Variants in WFDC3 observed in about 807,000 individuals in gnomAD.
The protein encoded by WFDC3 is WAP four-disulfide core domain protein 3.
WFDC3 carries 15 observed loss-of-function variants against 25.8 expected under a neutral mutation model. That is an observed-to-expected ratio of 0.58 (90% CI 0.39 to 0.89). The LOEUF is 0.89. Among genes scored for constraint, WFDC3 ranks in the 40% least tolerant of loss-of-function variants. WFDC3 has a pLI of 0.00. For synonymous variants in WFDC3, 103 were observed against 107.1 expected, an observed-to-expected ratio of 0.96 and a Z score of 0.24; for missense variants, 264 against 289.8, an observed-to-expected ratio of 0.91 and a Z score of 0.65.
chr20:45,785,440 G>T (rs1980624866), intron 4 of WFDC3, among the ~76,000 whole-genome samples: 1 of 143,166 alleles, frequency 7.0e-6, no homozygotes, highest in Non-Finnish European at 1.5e-5. Context: ...CTGTACTCCT[G>T]CCTGGGCGAC....
intron 4 of WFDC3, among the ~76,000 whole-genome samples, chr20:45,785,925 G>A (rs1039367056): frequency 5.9e-5 from 9 of 152,026 alleles, no homozygotes; most frequent in East Asian, 5.8e-4. Context: ...TACTCTAACC[G>A]TACTAGCTTT....
chr20:45,784,898 C>T (rs1980602508), intron 4 of WFDC3, among the ~76,000 whole-genome samples: 1 of 152,194 alleles, frequency 6.6e-6, no homozygotes, highest in Non-Finnish European at 1.5e-5. Flanking sequence ...AACTAAGGCT[C>T]AAAATTACTT....
chr20:45,777,287 T>C (rs1371807826), intron 4 of WFDC3, 78 bp from the exon 5 acceptor site: 13 of 1,229,172 alleles, frequency 1.1e-5, no homozygotes, highest in Non-Finnish European at 1.4e-5. Context: ...TGTGTATGTT[T>C]ATATATAGTT....
At chr20:45,789,165 C>A in intron 2 of WFDC3, 106 bp from the exon 3 acceptor site, 1 of 1,457,716 alleles carries the variant, frequency 6.9e-7, no homozygotes, top group South Asian at 1.3e-5. Context: ...TTCTGCACCA[C>A]TGCACTCTAG....
intron 1 of WFDC3, among the ~76,000 whole-genome samples, chr20:45,790,269 A>G (rs1980894885): frequency 6.6e-6 from 1 of 152,208 alleles, no homozygotes; most frequent in Non-Finnish European, 1.5e-5. Context: ...GGGTGGCTGG[A>G]AAAATGGAGG....
intron 4 of WFDC3, 145 bp from the exon 5 acceptor site, chr20:45,777,354 C>A: frequency 2.0e-6 from 2 of 997,978 alleles, no homozygotes; most frequent in Non-Finnish European, 2.5e-6. Context: ...ATCTGCAATA[C>A]ATCTGATTTT....
chr20:45,788,963 C>T lies in WFDC3; in HGVS notation c.179G>A (p.Gly60Asp). 1.2e-6 allele frequency: 2 copies of T among 1,613,448 alleles called. No individual in the cohort carries two copies. The highest frequency in any genetic ancestry group is 1.7e-6 in the Non-Finnish European group (2 of 1,179,814). The stretch of plus-strand genomic sequence containing the variant: ...AATGTCTCGGCAGATCCGACCACAG[C>T]CTGTGGTGCAGCACTTCTGTTCAGC... ...CPAEQKCCTTGCGRICRDIPK... is the reference protein window; with the variant it reads ...CPAEQKCCTTDCGRICRDIPK... The change falls in exon 3 of 7, where the codon GGC (glycine) becomes GAC (aspartate). Residue 60 changes from glycine (G) to aspartate (D), a missense_variant. Gly to Asp is a moderately conservative substitution (Grantham distance 94). Transcript: ENST00000243938.
At position 45,775,409 on chromosome 20, in the gene WFDC3, G is replaced by A; in HGVS notation, c.679+8C>T. ...CTGTTATTGTTGATGACAATGGACT[G>A]TACTCACCTAATTCGGAATCAGACC... On this transcript the variant is annotated splice_region_variant and intron_variant, in intron 6 of 6. Coordinates refer to ENST00000243938, the MANE Select transcript of WFDC3 (RefSeq NM_080614.2). The A allele has an allele frequency of 6.2e-7, 1 of 1,613,660 alleles. No individual in the cohort carries two copies. The highest frequency in any genetic ancestry group is 8.5e-7 in the Non-Finnish European group (1 of 1,179,692).
At chr20:45,787,278 T>C (rs1980716720) in intron 4 of WFDC3, among the ~76,000 whole-genome samples, 2 of 142,790 alleles carry the variant, frequency 1.4e-5, no homozygotes, top group South Asian at 4.4e-4. Context: ...TGGTTTTCTT[T>C]TTTCTTTTTT....
chr20:45,781,693 G>T (rs772217315), intron 4 of WFDC3, among the ~76,000 whole-genome samples: 2 of 152,176 alleles, frequency 1.3e-5, no homozygotes, highest in South Asian at 4.1e-4. Context: ...GTTCTCTACT[G>T]GGGGCTGGTC....
chr20:45,785,755 A>G, intron 4 of WFDC3, among the ~76,000 whole-genome samples: 1 of 152,162 alleles, frequency 6.6e-6, no homozygotes, highest in East Asian at 1.9e-4. Context: ...AATATGTTTT[A>G]GGGGCCTCTC....
At chr20:45,788,304 CAA>C (rs562454653) in intron 3 of WFDC3, 5 of 154,188 alleles carry the variant, frequency 3.2e-5, no homozygotes, top group East Asian at 3.6e-4. Context: ...AACTCCGTCT[CAA>C]AAAAAAAAGA....
chr20:45,787,200 AG>A (rs1392101677), intron 4 of WFDC3, among the ~76,000 whole-genome samples: 1 of 146,066 alleles, frequency 6.8e-6, no homozygotes, highest in South Asian at 2.2e-4. Context: ...CTGTCTCTGC[AG>A]ATTCTCAGGA....
intron 4 of WFDC3, among the ~76,000 whole-genome samples, chr20:45,786,505 C>T (rs1382468524): frequency 6.6e-6 from 1 of 152,188 alleles, no homozygotes; most frequent in African/African-American, 2.4e-5. Context: ...TATTTACATG[C>T]TTATTTGTTA....
At chr20:45,783,736 C>A (rs1357864835) in intron 4 of WFDC3, among the ~76,000 whole-genome samples, 1 of 152,006 alleles carries the variant, frequency 6.6e-6, no homozygotes, top group Non-Finnish European at 1.5e-5. Flanking sequence ...CCAAACAGAC[C>A]AGCGCTGGCT....
At chr20:45,778,320 G>A (rs937611660) in intron 4 of WFDC3, among the ~76,000 whole-genome samples, 1 of 152,100 alleles carries the variant, frequency 6.6e-6, no homozygotes, top group Non-Finnish European at 1.5e-5. Context: ...ACATCATGTG[G>A]GTATATGAAC....
intron 5 of WFDC3, 27 bp downstream of exon 5, chr20:45,777,048 G>A (rs1292410162): frequency 5.6e-6 from 9 of 1,611,430 alleles, no homozygotes; most frequent in South Asian, 1.1e-5. Flanking sequence ...AACACTCAAG[G>A]ATTTCTTCCC....
intron 5 of WFDC3, among the ~76,000 whole-genome samples, chr20:45,775,849 G>C (rs1568696986): frequency 6.6e-6 from 1 of 151,376 alleles, no homozygotes; most frequent in Non-Finnish European, 1.5e-5. Flanking sequence ...CTCAGGGATT[G>C]ACACCTCTGC....
intron 4 of WFDC3, among the ~76,000 whole-genome samples, chr20:45,786,018 G>A (rs1035918386): frequency 3.9e-5 from 6 of 152,026 alleles, no homozygotes; most frequent in East Asian, 1.9e-4. Flanking sequence ...AATGTCCATC[G>A]CACCCTTCAC....
Sources: allele counts gnomAD v4.1 joint callset (sites outside exome capture counted in the v4.1 genomes callset), GRCh38; gene constraint gnomAD v4.1.1; transcripts MANE v1.5; gene names NCBI Gene and HGNC (gene_info 2026-07-23, HGNC 2026-07-21).